Variants in JMJD1C observed in about 807,000 individuals in gnomAD.
The protein encoded by JMJD1C is jumonji domain containing 1C, also known as jumonji domain-containing protein 1C.
JMJD1C carries 31 observed loss-of-function variants against 245.3 expected under a neutral mutation model. That is an observed-to-expected ratio of 0.13 (90% CI 0.09 to 0.17). The LOEUF (loss-of-function observed/expected upper bound fraction) is 0.17, where lower values mean the gene tolerates loss of function less well. JMJD1C is among the 10% of genes least tolerant of loss of function. JMJD1C has a pLI of 1.00. For missense variants in JMJD1C, 2,691 were observed against 3,000.2 expected (o/e 0.90, Z 2.41); for synonymous variants, 1,057 against 1,017.4 (o/e 1.04, Z -0.74).
At chr10:63,322,337 C>T (rs1940971655) in intron 2 of JMJD1C, among the ~76,000 whole-genome samples, 1 of 152,050 alleles carries the variant, frequency 6.6e-6, no homozygotes, top group Non-Finnish European at 1.5e-5. Flanking sequence ...GACAAAATCC[C>T]CCTCTAAACT....
At chr10:63,493,910 G>GA (rs1444187860) in intron 1 of JMJD1C, among the ~76,000 whole-genome samples, 7 of 151,898 alleles carry the variant, frequency 4.6e-5, no homozygotes, top group African/African-American at 1.2e-4. Flanking sequence ...TAAAAAGAAG[G>GA]AAAAAAATAA....
In JMJD1C at chr10:63,207,421, T is replaced by C; in HGVS notation, c.4248A>G (p.Val1416=). The C allele has an allele frequency of 6.2e-7, 1 of 1,614,188 alleles. No homozygotes were observed. Among genetic ancestry groups the C allele is most frequent in the Non-Finnish European group, 8.5e-7 (1 of 1,180,026 alleles). ...TSVSSWGGSE[V]ISSLSNTILA... ...AAATGGTATTTGATAAAGAGGAAAT[T>C]ACTTCTGAACCACCCCAGCTGGAAA... Residue 1416 remains valine (V), a synonymous_variant, in exon 10 of 26, where the codon GTA becomes GTG. Coordinates refer to ENST00000399262, the MANE Select transcript of JMJD1C (RefSeq NM_032776.3).
At chr10:63,458,184 A>G (rs1220145201) in intron 1 of JMJD1C, among the ~76,000 whole-genome samples, 3 of 152,192 alleles carry the variant, frequency 2.0e-5, no homozygotes, top group Non-Finnish European at 2.9e-5. Flanking sequence ...TAAGAATTTT[A>G]TATCTAATAA....
intron 2 of JMJD1C, among the ~76,000 whole-genome samples, chr10:63,371,290 T>C (rs1946298066): frequency 6.6e-6 from 1 of 152,182 alleles, no homozygotes; most frequent in Admixed American, 6.6e-5. Context: ...TCTATAAGAC[T>C]TTTTAAATAC....
intron 3 of JMJD1C, 56 bp downstream of exon 3, chr10:63,264,595 A>C: frequency 1.3e-6 from 1 of 764,590 alleles, no homozygotes; most frequent in South Asian, 1.6e-5. Context: ...GAATGTCTGA[A>C]TATCAATAAA....
At chr10:63,203,694 G>C (rs1243807458) in intron 10 of JMJD1C, 1 of 983,714 alleles carries the variant, frequency 1.0e-6, no homozygotes, top group Non-Finnish European at 1.2e-6. Flanking sequence ...AAAGGTAGCA[G>C]AGAGGAAGAC....
At chr10:63,177,940 A>G in intron 22 of JMJD1C, 84 bp from the exon 23 acceptor site, 2 of 1,398,392 alleles carry the variant, frequency 1.4e-6, no homozygotes, top group African/African-American at 1.4e-5. Flanking sequence ...TCAGAGCAGC[A>G]GAGTGCCTGA....
intron 2 of JMJD1C, among the ~76,000 whole-genome samples, chr10:63,321,068 G>A (rs779327537): frequency 1.3e-5 from 2 of 152,186 alleles, no homozygotes; most frequent in Non-Finnish European, 2.9e-5. Context: ...GTTCCAGACT[G>A]GTGTACAAGA....
intron 23 of JMJD1C, chr10:63,177,429 G>A (rs1466848833): frequency 3.3e-5 from 10 of 305,462 alleles, no homozygotes; most frequent in East Asian, 8.0e-5. Context: ...GCTACTTTTC[G>A]CCACCCAACT....
intron 3 of JMJD1C, among the ~76,000 whole-genome samples, chr10:63,260,747 G>C (rs1336790115): frequency 9.2e-5 from 14 of 151,640 alleles, no homozygotes; most frequent in South Asian, 2.1e-4. Flanking sequence ...CCGCCACCAC[G>C]CCGGTTAATT....
intron 3 of JMJD1C, among the ~76,000 whole-genome samples, chr10:63,243,124 T>TATATATATATAA (rs1491362612): frequency 2.3e-5 from 2 of 85,794 alleles, no homozygotes; most frequent in South Asian, 3.8e-4. Flanking sequence ...TATATATATA[T>TATATATATATAA]AAATATATAT....
chr10:63,444,411 T>A (rs1951571025), intron 1 of JMJD1C, among the ~76,000 whole-genome samples: 1 of 151,702 alleles, frequency 6.6e-6, no homozygotes, highest in African/African-American at 2.4e-5. Context: ...GTAGCTAGGA[T>A]TACAGGCGCA....
At chr10:63,238,510 CAT>C (rs2133469451) in intron 3 of JMJD1C, among the ~76,000 whole-genome samples, 1 of 152,246 alleles carries the variant, frequency 6.6e-6, no homozygotes, top group East Asian at 1.9e-4. Context: ...CATGAAATAA[CAT>C]ACTGAACATA....
intron 3 of JMJD1C, among the ~76,000 whole-genome samples, chr10:63,246,490 A>G (rs1298617748): frequency 6.6e-6 from 1 of 152,192 alleles, no homozygotes; most frequent in African/African-American, 2.4e-5. Context: ...TCTCTAGCAA[A>G]GCTATACTTC....
chr10:63,213,427 GTTCA>G, intron 8 of JMJD1C, 42 bp downstream of exon 8: 1 of 1,074,460 alleles, frequency 9.3e-7, no homozygotes, highest in Non-Finnish European at 1.4e-6. Context: ...ACCTGTACAT[GTTCA>G]TTAATATATA....
intron 1 of JMJD1C, among the ~76,000 whole-genome samples, chr10:63,482,837 A>G (rs1164590790): frequency 6.6e-6 from 1 of 152,196 alleles, no homozygotes; most frequent in Non-Finnish European, 1.5e-5. Flanking sequence ...CACATAATAT[A>G]TGCATAGAAC....
chr10:63,243,105 A>ATATATATT (rs1264468552), intron 3 of JMJD1C, among the ~76,000 whole-genome samples: 1 of 105,886 alleles, frequency 9.4e-6, no homozygotes, highest in Non-Finnish European at 1.9e-5. Flanking sequence ...AACATAAATT[A>ATATATATT]TATATATATA....
chr10:63,392,627 C>T (rs1406322202), intron 1 of JMJD1C, among the ~76,000 whole-genome samples: 1 of 151,824 alleles, frequency 6.6e-6, no homozygotes, highest in East Asian at 1.9e-4. Flanking sequence ...GAAATCAAGA[C>T]CATTCTGGCC....
At chr10:63,339,771 C>T (rs944976529) in intron 2 of JMJD1C, among the ~76,000 whole-genome samples, 2 of 152,196 alleles carry the variant, frequency 1.3e-5, no homozygotes, top group Admixed American at 6.5e-5. Context: ...ACTAAAAATA[C>T]AAAAATTAGC....
Sources: allele counts gnomAD v4.1 joint callset (sites outside exome capture counted in the v4.1 genomes callset), GRCh38; gene constraint gnomAD v4.1.1; transcripts MANE v1.5; gene names NCBI Gene and HGNC (gene_info 2026-07-23, HGNC 2026-07-21).